The following CCDC62 variants were observed in gnomAD, a reference collection of about 807,000 sequenced individuals.
The protein encoded by CCDC62 is coiled-coil domain containing 62, also known as coiled-coil domain-containing protein 62.
A neutral mutation model predicts 80.8 loss-of-function variants in CCDC62; 72 were observed. The observed-to-expected ratio is 0.89, with a 90% CI of 0.74 to 1.08. The LOEUF is 1.08. Among genes scored for constraint, CCDC62 ranks in the 50% least tolerant of loss-of-function variants. The pLI, the probability that CCDC62 is intolerant of heterozygous loss-of-function variation, is 0.00. For synonymous variants in CCDC62, 286 were observed against 296.5 expected (o/e 0.96, Z 0.36); for missense variants, 704 against 809.4 (o/e 0.87, Z 1.58).
intron 6 of CCDC62, among the ~76,000 whole-genome samples, chr12:122,795,175 G>GA (rs2030862360): frequency 6.7e-6 from 1 of 148,556 alleles, no homozygotes. Flanking sequence ...CTCAGCCTCC[G>GA]GAGTAGCTGG....
chr12:122,798,462 G>T (rs1461134167), intron 8 of CCDC62, among the ~76,000 whole-genome samples: 6 of 152,054 alleles, frequency 3.9e-5, no homozygotes, highest in African/African-American at 1.4e-4. Flanking sequence ...CATTAGCCAG[G>T]CATAGTGGCT....
intron 9 of CCDC62, among the ~76,000 whole-genome samples, chr12:122,805,245 T>A (rs2031533479): frequency 6.7e-6 from 1 of 150,102 alleles, no homozygotes. Flanking sequence ...TCCCTCCCTT[T>A]TAGATGATCC....
At chr12:122,818,191 G>A (rs572488560) in intron 11 of CCDC62, among the ~76,000 whole-genome samples, 1 of 151,780 alleles carries the variant, frequency 6.6e-6, no homozygotes, top group Non-Finnish European at 1.5e-5. Flanking sequence ...GGTGGCTCAC[G>A]CCTGTAATCC....
At chr12:122,809,679 A>C (rs535929795) in intron 10 of CCDC62, among the ~76,000 whole-genome samples, 1 of 152,256 alleles carries the variant, frequency 6.6e-6, no homozygotes, top group Non-Finnish European at 1.5e-5. Context: ...TTTAAAGTTC[A>C]TATAGAACCA....
At chr12:122,805,004 C>T (rs2031510395) in intron 9 of CCDC62, among the ~76,000 whole-genome samples, 1 of 151,510 alleles carries the variant, frequency 6.6e-6, no homozygotes, top group African/African-American at 2.4e-5. Context: ...CCTGCCTCAA[C>T]CTCCAGAGTA....
At chr12:122,823,311 T>C in intron 11 of CCDC62, 55 bp from the exon 12 acceptor site, 1 of 1,328,096 alleles carries the variant, frequency 7.5e-7, no homozygotes, top group Non-Finnish European at 1.1e-6. Context: ...TTTAGTCTTC[T>C]TAAGAATTTT....
chr12:122,783,167 T>A (rs1302902747), intron 3 of CCDC62, among the ~76,000 whole-genome samples: 1 of 151,972 alleles, frequency 6.6e-6, no homozygotes, highest in Non-Finnish European at 1.5e-5. Context: ...AGATATTTTT[T>A]GAGTTCATGC....
intron 4 of CCDC62, among the ~76,000 whole-genome samples, chr12:122,788,536 G>A (rs2030405077): frequency 6.6e-6 from 1 of 152,194 alleles, no homozygotes; most frequent in Admixed American, 6.6e-5. Flanking sequence ...AACTAGCTGT[G>A]TAACCGTGGG....
At chr12:122,792,760 C>T (rs1264006223) in intron 6 of CCDC62, among the ~76,000 whole-genome samples, 1 of 152,092 alleles carries the variant, frequency 6.6e-6, no homozygotes, top group Non-Finnish European at 1.5e-5. Flanking sequence ...TCAGATAATC[C>T]GCCCGCCTCA....
chr12:122,817,049 T>G (rs2032196054), intron 11 of CCDC62, among the ~76,000 whole-genome samples: 1 of 151,508 alleles, frequency 6.6e-6, no homozygotes, highest in Admixed American at 6.6e-5. Flanking sequence ...AAATTTTATT[T>G]ATTTATTTAT....
At chr12:122,807,529 C>CAAAA (rs35131700) in intron 10 of CCDC62, among the ~76,000 whole-genome samples, 1 of 104,704 alleles carries the variant, frequency 9.6e-6, no homozygotes, top group Non-Finnish European at 1.8e-5. Flanking sequence ...GACTCTGTCT[C>CAAAA]AAAAAAAAAA....
At position 122,785,786 on chromosome 12, in the gene CCDC62, G is replaced by A. The variant is rs201035846; in HGVS notation, c.464G>A (p.Arg155Gln). The A allele has an allele frequency of 6.8e-5, 110 of 1,613,036 alleles. No homozygotes were observed. Among genetic ancestry groups the A allele is most frequent in the East Asian group, 2.2e-5 (1 of 44,896 alleles). Reference protein sequence around the residue: ...LSAQVGQLQAREQALTTMIKL... With the variant: ...LSAQVGQLQAQEQALTTMIKL... ...GCCCAGGTAGGACAGCTACAAGCTC[G>A]AGAACAAGCTCTTACGACAATGATA... is the stretch of plus-strand genomic sequence containing the variant. Residue 155 changes from arginine to glutamine, a missense_variant, in exon 4 of 13, where the codon CGA becomes CAA. Transcript: ENST00000253079.
chr12:122,807,104 C>T (rs1399042360), intron 10 of CCDC62, among the ~76,000 whole-genome samples: 1 of 151,982 alleles, frequency 6.6e-6, no homozygotes, highest in Non-Finnish European at 1.5e-5. Context: ...TACAGTGCCT[C>T]GTGCCTGTAA....
Position 122,774,660 on chromosome 12 carries a change from A to T in CCDC62, c.-11A>T. 8.0e-7 allele frequency: 1 copy of T among 1,250,624 alleles called. No homozygotes were observed. The highest frequency in any genetic ancestry group is 1.0e-6 in the Non-Finnish European group (1 of 988,454). 77.5% of individuals were successfully genotyped at this position (1,250,624 alleles called of 1,614,324 possible). On this transcript the variant is annotated 5_prime_UTR_variant, in exon 1 of 13. Transcript: ENST00000253079. The stretch of plus-strand genomic sequence containing the variant: ...CCACACCGGGCTTCTCCGGGGGCGG[A>T]GGAAACACCTATGAACCCTCCGGCA...
intron 5 of CCDC62, 106 bp from the exon 6 acceptor site, chr12:122,791,914 C>T: frequency 1.3e-6 from 1 of 752,514 alleles, no homozygotes; most frequent in Non-Finnish European, 2.3e-6. Flanking sequence ...ATAGATCCAT[C>T]AGGACCGGAA....
At position 122,801,779 on chromosome 12, in the gene CCDC62, A is replaced by G. The variant is rs759236904; in HGVS notation, c.1633A>G (p.Arg545Gly). 11 of 1,614,178 alleles carry G rather than the reference A, an allele frequency of 6.8e-6. No homozygotes were observed. The highest frequency in any genetic ancestry group is 3.3e-4 in the Middle Eastern group (2 of 6,062). The change falls in exon 9 of 13, where the codon AGA becomes GGA. Residue 545 changes from arginine to glycine, a missense_variant. By Grantham distance (125) the Arg-to-Gly change is moderately radical. Transcript: ENST00000253079. The part of the protein sequence containing the change: ...MSIFKPSKMQ[R>G]IVRLKSGCTC... ...TATTTTCAAGCCTTCCAAAATGCAG[A>G]GAATTGTCCGCCTCAAATCTGGGTG... is the stretch of plus-strand genomic sequence containing the variant.
At chr12:122,802,438 G>A (rs1324776021) in intron 9 of CCDC62, among the ~76,000 whole-genome samples, 1 of 147,400 alleles carries the variant, frequency 6.8e-6, no homozygotes, top group Non-Finnish European at 1.5e-5. Context: ...TTTGGAGATG[G>A]AGTCTAGCTT....
At chr12:122,817,351 T>C (rs577898517) in intron 11 of CCDC62, among the ~76,000 whole-genome samples, 3 of 151,842 alleles carry the variant, frequency 2.0e-5, no homozygotes, top group East Asian at 3.9e-4. Flanking sequence ...TGAGCCACCA[T>C]GCCTGGCCTA....
chr12:122,779,302 A>G (rs1373244565), intron 2 of CCDC62, among the ~76,000 whole-genome samples: 1 of 152,214 alleles, frequency 6.6e-6, no homozygotes, highest in Non-Finnish European at 1.5e-5. Context: ...ACCAAGGGAA[A>G]GCTGAGACGC....
Sources: allele counts gnomAD v4.1 joint callset (sites outside exome capture counted in the v4.1 genomes callset), GRCh38; gene constraint gnomAD v4.1.1; transcripts MANE v1.5; gene names NCBI Gene and HGNC (gene_info 2026-07-23, HGNC 2026-07-21).